The following SYNPR variants were observed in gnomAD, a reference collection of about 807,000 sequenced individuals.
The protein encoded by SYNPR is synaptoporin.
In SYNPR, 23 loss-of-function variants were observed where a neutral mutation model predicts 32.9. The ratio of observed to expected loss-of-function variants is 0.70; its 90% CI spans 0.50 to 0.99. The LOEUF is 0.99. Ranked by LOEUF, SYNPR falls within the 50% of genes least tolerant of loss-of-function variation. The probability of loss-of-function intolerance (pLI) is 0.00; values close to 1 mark genes in which losing one functional copy is unlikely to be tolerated. For missense variants in SYNPR, 318 were observed against 349.3 expected (o/e 0.91, Z 0.71); for synonymous variants, 146 against 135.9 (o/e 1.07, Z -0.52).
chr3:63,294,510 C>A (rs923513617), intron 2 of SYNPR, among the ~76,000 whole-genome samples: 2 of 152,202 alleles, frequency 1.3e-5, no homozygotes, highest in African/African-American at 4.8e-5. Context: ...CTGCCAAACT[C>A]ATGATGCTGT....
chr3:63,203,745 C>T, the SYNPR span, among the ~76,000 whole-genome samples: 1 of 152,022 alleles, frequency 6.6e-6, no homozygotes, highest in South Asian at 2.1e-4. Context: ...GCCTGTAATC[C>T]CAGCACTTTA....
the SYNPR span, among the ~76,000 whole-genome samples, chr3:63,200,610 G>A: frequency 2.6e-5 from 4 of 152,070 alleles, no homozygotes; most frequent in Non-Finnish European, 4.4e-5. Flanking sequence ...GTGAGGAAAC[G>A]GAAACTCATG....
intron 2 of SYNPR, among the ~76,000 whole-genome samples, chr3:63,266,180 C>T (rs551022787): frequency 4.6e-4 from 70 of 152,224 alleles, no homozygotes; most frequent in Non-Finnish European, 7.1e-4. Context: ...CACATGTTCC[C>T]TAACTAGAAG....
chr3:63,284,667 G>A (rs1048658118), intron 2 of SYNPR, among the ~76,000 whole-genome samples: 2 of 152,082 alleles, frequency 1.3e-5, no homozygotes, highest in South Asian at 2.1e-4. Context: ...TCTAAGCCAC[G>A]TTTTTCAAGC....
chr3:63,232,670 G>A (rs1286438774), intron 1 of SYNPR, among the ~76,000 whole-genome samples: 1 of 152,150 alleles, frequency 6.6e-6, no homozygotes, highest in African/African-American at 2.4e-5. Context: ...GTGAAGTGTA[G>A]AGTCCTTGAG....
At chr3:63,257,484 G>A (rs2106896314) in intron 2 of SYNPR, among the ~76,000 whole-genome samples, 1 of 152,092 alleles carries the variant, frequency 6.6e-6, no homozygotes, top group Non-Finnish European at 1.5e-5. Context: ...CATAAGTGAA[G>A]GAGAAATAAA....
intron 3 of SYNPR, among the ~76,000 whole-genome samples, chr3:63,530,456 A>T (rs1702091641): frequency 6.6e-6 from 1 of 152,216 alleles, no homozygotes; most frequent in Non-Finnish European, 1.5e-5. Flanking sequence ...CTGTATATTG[A>T]GGAATAATAA....
chr3:63,526,358 T>C (rs2106781581), intron 3 of SYNPR, among the ~76,000 whole-genome samples: 1 of 152,326 alleles, frequency 6.6e-6, no homozygotes, highest in African/African-American at 2.4e-5. Context: ...TTTACATTTA[T>C]TGTTTAGCTG....
At chr3:63,229,057 T>A (rs919972628) in intron 1 of SYNPR, among the ~76,000 whole-genome samples, 4 of 152,218 alleles carry the variant, frequency 2.6e-5, no homozygotes, top group Non-Finnish European at 4.4e-5. Context: ...GTTTTTATTA[T>A]ATCAAAAAGC....
chr3:63,402,206 TTC>T (rs886830436), intron 2 of SYNPR, among the ~76,000 whole-genome samples: 4 of 152,224 alleles, frequency 2.6e-5, no homozygotes. Context: ...TATGGGGCTG[TTC>T]TGTGCACTCT....
chr3:63,550,626 C>T (rs1161608321), intron 3 of SYNPR, among the ~76,000 whole-genome samples: 1 of 152,160 alleles, frequency 6.6e-6, no homozygotes, highest in Non-Finnish European at 1.5e-5. Context: ...CCCACTGTCT[C>T]CACCACACAC....
At chr3:63,451,949 T>G in intron 2 of SYNPR, 1 of 598,774 alleles carries the variant, frequency 1.7e-6, no homozygotes, top group South Asian at 2.1e-5. Context: ...CTCTTCACTC[T>G]GAGTGGTATT....
chr3:63,253,185 T>C (rs2086348919), intron 2 of SYNPR, among the ~76,000 whole-genome samples: 1 of 152,106 alleles, frequency 6.6e-6, no homozygotes, highest in South Asian at 2.1e-4. Context: ...TAATCACCAT[T>C]TGAGGGTGGA....
chr3:63,524,824 AGTGTGT>A (rs138062730), intron 3 of SYNPR, among the ~76,000 whole-genome samples: 69 of 129,452 alleles, frequency 5.3e-4, no homozygotes, highest in East Asian at 1.4e-3. Flanking sequence ...TCATAATAGA[AGTGTGT>A]GTGTGTGTGT....
chr3:63,327,714 G>A (rs2037569), intron 2 of SYNPR, among the ~76,000 whole-genome samples: 67,657 of 151,904 alleles, frequency 0.45, 15,210 homozygotes, highest in Middle Eastern at 0.52. Context: ...TTCAATTTGT[G>A]TTCAAAAATA....
rs80116316 is a variant in SYNPR at position 63,396,166 on chromosome 3, G to A, written c.85-84666G>A. ...TTGCATAGTCTTTTGTATGATATCC[G>A]CTCCACAATTAATTCTGGAGTTGGT... On this transcript the variant is annotated intron_variant, in intron 2 of 5. Transcript: ENST00000478300. Among the ~76,000 whole-genome samples the A allele has an allele frequency of 4.0e-3, 609 of 152,224 alleles. 5 individuals are homozygous for A. The highest frequency in any genetic ancestry group is 5.8e-3 in the Non-Finnish European group (393 of 68,010).
intron 4 of SYNPR, among the ~76,000 whole-genome samples, chr3:63,606,487 A>T (rs1439189604): frequency 7.6e-6 from 1 of 131,394 alleles, no homozygotes; most frequent in East Asian, 2.4e-4. Context: ...GCTGGAGTGC[A>T]GTGATGCAAT....
intron 2 of SYNPR, among the ~76,000 whole-genome samples, chr3:63,389,646 C>T (rs907513066): frequency 1.3e-5 from 2 of 152,130 alleles, no homozygotes; most frequent in African/African-American, 2.4e-5. Context: ...TTTGTAACCA[C>T]GAAGATTGAA....
chr3:63,598,555 A>G (rs1699994481), intron 4 of SYNPR, among the ~76,000 whole-genome samples: 1 of 152,178 alleles, frequency 6.6e-6, no homozygotes, highest in Non-Finnish European at 1.5e-5. Flanking sequence ...ACCGATTGAG[A>G]TGAATAGCTC....
Sources: allele counts gnomAD v4.1 joint callset (sites outside exome capture counted in the v4.1 genomes callset), GRCh38; gene constraint gnomAD v4.1.1; transcripts MANE v1.5; gene names NCBI Gene and HGNC (gene_info 2026-07-23, HGNC 2026-07-21).